MED15: variants seen among roughly 807,000 people sequenced by gnomAD.
MED15 encodes mediator complex subunit 15.
In MED15, 41 loss-of-function variants were observed where a neutral mutation model predicts 118.7. That is an observed-to-expected ratio of 0.35 (90% CI 0.27 to 0.45). MED15 has a LOEUF of 0.45. MED15 is among the 20% of genes least tolerant of loss of function. The pLI is 1.00. For missense variants in MED15, 740 were observed against 1,025.5 expected (o/e 0.72, Z 3.80); for synonymous variants, 436 against 413.9 (o/e 1.05, Z -0.65).
chr22:20,581,417 G>T (rs1309061267), intron 9 of MED15, among the ~76,000 whole-genome samples: 1 of 152,196 alleles, frequency 6.6e-6, no homozygotes, highest in African/African-American at 2.4e-5. Flanking sequence ...GTGCTTGGGG[G>T]GTGGTGTGAG....
chr22:20,543,051 A>T (rs1483997436), intron 2 of MED15, among the ~76,000 whole-genome samples: 1 of 151,792 alleles, frequency 6.6e-6, no homozygotes, highest in Non-Finnish European at 1.5e-5. Context: ...GAATTTCCCA[A>T]ATCATTAAGT....
chr22:20,532,316 A>G (rs1272457119), intron 1 of MED15, among the ~76,000 whole-genome samples: 1 of 152,162 alleles, frequency 6.6e-6, no homozygotes, highest in African/African-American at 2.4e-5. Flanking sequence ...GAAGACACGA[A>G]GAGCTTTTCT....
intron 1 of MED15, among the ~76,000 whole-genome samples, chr22:20,525,575 TGCCCAGGCTGGA>T (rs2054610934): frequency 6.7e-6 from 1 of 148,502 alleles, no homozygotes; most frequent in South Asian, 2.2e-4. Flanking sequence ...TCACTCTTGT[TGCCCAGGCTGGA>T]GTACAGTGGC....
chr22:20,520,462 G>T (rs1044791838), intron 1 of MED15, among the ~76,000 whole-genome samples: 3 of 152,228 alleles, frequency 2.0e-5, no homozygotes, highest in Non-Finnish European at 4.4e-5. Context: ...TGAGGGAGAA[G>T]TCCCTGCCAA....
At chr22:20,538,647 T>G (rs2055171736) in intron 2 of MED15, among the ~76,000 whole-genome samples, 1 of 152,218 alleles carries the variant, frequency 6.6e-6, no homozygotes, top group Admixed American at 6.5e-5. Context: ...GCTGTAGATT[T>G]GCCTATTCGG....
At chr22:20,583,465 G>A in intron 13 of MED15, 72 bp downstream of exon 13, 2 of 1,568,426 alleles carry the variant, frequency 1.3e-6, no homozygotes, top group Non-Finnish European at 1.7e-6. Flanking sequence ...GGCACTTGGT[G>A]ATGATGTGGG....
chr22:20,540,539 G>T (rs914955978), intron 2 of MED15, among the ~76,000 whole-genome samples: 23 of 152,222 alleles, frequency 1.5e-4, no homozygotes, highest in African/African-American at 5.5e-4. Flanking sequence ...GTACCAACAT[G>T]TTCCAGCCTG....
intron 1 of MED15, among the ~76,000 whole-genome samples, chr22:20,513,020 A>G (rs945114938): frequency 2.6e-5 from 4 of 151,522 alleles, no homozygotes; most frequent in African/African-American, 7.3e-5. Flanking sequence ...GATTACAGAC[A>G]TGAGCCACCA....
Position 20,557,934 on chromosome 22 carries a change from G to A in MED15, c.451+2786G>A, listed in dbSNP as rs565569846. Among the ~76,000 whole-genome samples the A allele has an allele frequency of 3.3e-5, 5 of 152,210 alleles. No homozygotes were observed. In the South Asian group the frequency reaches 8.3e-4, roughly 25 times the overall value. On this transcript the variant is annotated intron_variant, in intron 5 of 17. Coordinates refer to ENST00000263205, the MANE Select transcript of MED15 (RefSeq NM_001003891.3). ...ATCCTGGCTAACACGGTGAGACCCCGTCTCTACTAAAAATACAAAAAATTA... is the reference window on the plus strand; with the variant it reads ...ATCCTGGCTAACACGGTGAGACCCCATCTCTACTAAAAATACAAAAAATTA...
chr22:20,514,563 C>T (rs1341017738), intron 1 of MED15, among the ~76,000 whole-genome samples: 1 of 152,082 alleles, frequency 6.6e-6, no homozygotes, highest in Non-Finnish European at 1.5e-5. Context: ...GGTGACACAG[C>T]TGGGGAAGGA....
At chr22:20,568,051 G>A (rs913010955) in intron 7 of MED15, among the ~76,000 whole-genome samples, 1 of 152,198 alleles carries the variant, frequency 6.6e-6, no homozygotes, top group African/African-American at 2.4e-5. Context: ...GTGTTGCCCA[G>A]GCTAGTCTTG....
At chr22:20,529,453 T>G (rs149561599) in intron 1 of MED15, among the ~76,000 whole-genome samples, 2,543 of 148,970 alleles carry the variant, frequency 0.017, 34 homozygotes, top group Middle Eastern at 0.064. Flanking sequence ...AGACAGAGTT[T>G]TACTCTTGTC....
At chr22:20,533,000 G>T (rs928174442) in intron 1 of MED15, among the ~76,000 whole-genome samples, 1 of 152,046 alleles carries the variant, frequency 6.6e-6, no homozygotes, top group African/African-American at 2.4e-5. Flanking sequence ...ACAGTGGCTC[G>T]AAGGGTTTTG....
intron 1 of MED15, among the ~76,000 whole-genome samples, chr22:20,521,297 A>G (rs2054445632): frequency 6.6e-6 from 1 of 150,802 alleles, no homozygotes; most frequent in African/African-American, 2.4e-5. Context: ...GGGTTTTGCC[A>G]TGTTGGCCAG....
At chr22:20,521,743 T>C (rs1444933929) in intron 1 of MED15, among the ~76,000 whole-genome samples, 2 of 150,618 alleles carry the variant, frequency 1.3e-5, no homozygotes, top group African/African-American at 4.9e-5. Context: ...TATGTATTTC[T>C]GAGACAGAGT....
intron 1 of MED15, among the ~76,000 whole-genome samples, chr22:20,529,819 G>T (rs950009990): frequency 6.6e-6 from 1 of 151,690 alleles, no homozygotes; most frequent in Non-Finnish European, 1.5e-5. Flanking sequence ...CTCGAACTCC[G>T]GACCTCAGGT....
rs2057082575 is a variant in MED15, at chr22:20,584,688, T to TG, written c.1804-162dup. The TG allele has an allele frequency of 9.5e-6, 9 of 948,746 alleles. No homozygotes were observed. In the Admixed American group the frequency reaches 1.9e-4, roughly 20 times the overall value. The allele number at this position is 948,746 out of a possible 1,614,324, so 58.8% of individuals were successfully genotyped here. On this transcript the variant is annotated intron_variant, in intron 14 of 17. Transcript: ENST00000263205. ...CTGTAGGGAGGATAGGCTGTGGGGG[T>TG]GGGGGATTATTCCCAGGATCAGCCA...
intron 7 of MED15, among the ~76,000 whole-genome samples, chr22:20,567,210 T>C (rs1414008786): frequency 6.6e-6 from 1 of 152,240 alleles, no homozygotes; most frequent in African/African-American, 2.4e-5. Context: ...GTTAATGTTC[T>C]AAGCAAATAT....
intron 1 of MED15, among the ~76,000 whole-genome samples, chr22:20,531,373 C>T (rs1171903852): frequency 6.6e-6 from 1 of 152,238 alleles, no homozygotes; most frequent in South Asian, 2.1e-4. Context: ...CCTGTCTGTG[C>T]ACCTTCGTCC....
Sources: allele counts gnomAD v4.1 joint callset (sites outside exome capture counted in the v4.1 genomes callset), GRCh38; gene constraint gnomAD v4.1.1; transcripts MANE v1.5; gene names NCBI Gene and HGNC (gene_info 2026-07-23, HGNC 2026-07-21).